Variants in CNTLN observed in about 807,000 individuals in gnomAD.
The protein encoded by CNTLN is centlein.
A neutral mutation model predicts 180.0 loss-of-function variants in CNTLN; 212 were observed. The observed-to-expected ratio is 1.18, with a 90% CI of 1.05 to 1.32. The LOEUF is 1.32. CNTLN is among the 40% of genes most tolerant of loss of function. The pLI, the probability that CNTLN is intolerant of heterozygous loss-of-function variation, is 0.00. For missense variants in CNTLN, 2,095 were observed against 1,610.9 expected (o/e 1.30, Z -5.14); for synonymous variants, 722 against 563.1 (o/e 1.28, Z -3.99).
chr9:17,340,622 G>A (rs16935529), intron 10 of CNTLN, among the ~76,000 whole-genome samples: 1,738 of 152,208 alleles, frequency 0.011, 35 homozygotes, highest in African/African-American at 0.04. Flanking sequence ...CTTAAAAAAT[G>A]CATTGACTGA....
chr9:17,315,757 A>G (rs1022205766), intron 8 of CNTLN, among the ~76,000 whole-genome samples: 2 of 152,004 alleles, frequency 1.3e-5, no homozygotes, highest in African/African-American at 4.8e-5. Flanking sequence ...TGTTTTACCC[A>G]TCTATATTGA....
chr9:17,495,768 G>T (rs1833419962), intron 25 of CNTLN, among the ~76,000 whole-genome samples: 1 of 152,066 alleles, frequency 6.6e-6, no homozygotes. Flanking sequence ...GCAACTTCCA[G>T]TCCCACAGGC....
chr9:17,212,327 C>A (rs558171720), intron 2 of CNTLN, among the ~76,000 whole-genome samples: 1 of 152,246 alleles, frequency 6.6e-6, no homozygotes, highest in South Asian at 2.1e-4. Context: ...TGGTTTTTGT[C>A]TTTGGTTCTG....
intron 2 of CNTLN, among the ~76,000 whole-genome samples, chr9:17,180,433 A>G (rs1380621565): frequency 6.7e-6 from 1 of 150,328 alleles, no homozygotes; most frequent in African/African-American, 2.4e-5. Context: ...TTTAAGTGAC[A>G]TTTATAATAG....
chr9:17,346,255 G>T (rs2133247882), intron 12 of CNTLN, among the ~76,000 whole-genome samples: 1 of 152,106 alleles, frequency 6.6e-6, no homozygotes, highest in East Asian at 1.9e-4. Flanking sequence ...ACCAGCATGA[G>T]ATCTCACTAG....
chr9:17,354,184 C>G (rs921822012), intron 12 of CNTLN, among the ~76,000 whole-genome samples: 4 of 152,188 alleles, frequency 2.6e-5, no homozygotes, highest in African/African-American at 9.6e-5. Flanking sequence ...GGGCAGGGCT[C>G]GGGACCTGCA....
At chr9:17,213,267 A>G (rs939660762) in intron 2 of CNTLN, among the ~76,000 whole-genome samples, 5 of 152,080 alleles carry the variant, frequency 3.3e-5, no homozygotes, top group African/African-American at 7.2e-5. Context: ...GTTTGTTCTC[A>G]TTGGTTTCAA....
chr9:17,356,012 C>T (rs1219898788), intron 12 of CNTLN, among the ~76,000 whole-genome samples: 1 of 145,332 alleles, frequency 6.9e-6, no homozygotes, highest in African/African-American at 2.6e-5. Context: ...TGCAGTGAGC[C>T]GAGATCACGC....
rs201905268 is a variant in CNTLN, at chr9:17,452,887, CA to C, written c.3115-4633del. ...TACAGTTGCAGCTGAGAGCAGCAAA[CA>C]AAAGCTTCTGGTCAGAGGCTTTTTG... On this transcript the variant is annotated intron_variant, in intron 18 of 25. Coordinates refer to ENST00000380647, the MANE Select transcript of CNTLN (RefSeq NM_017738.4). Among the ~76,000 whole-genome samples, 82 of 152,144 alleles carry C rather than the reference CA, an allele frequency of 5.4e-4. 1 individual carries two copies. The East Asian group carries it at 0.014, about 27-fold the overall frequency.
At position 17,298,968 on chromosome 9, in the gene CNTLN, G is replaced by T. The variant is rs554596816; in HGVS notation, c.1146+616G>T. The T allele has an allele frequency of 1.1e-3, 1,110 of 983,804 alleles. 1 individual carries two copies. The highest frequency in any genetic ancestry group is 8.4e-3 in the Middle Eastern group (16 of 1,904). 60.9% of individuals were successfully genotyped at this position (983,804 alleles called of 1,614,324 possible). On this transcript the variant is annotated intron_variant, in intron 7 of 25. Transcript: ENST00000380647. ...TAAAAAAAATACCTTTATTGGCCGGGCATGGTGGCTCATGCCTGTAATCCC... is the reference window on the plus strand; with the variant it reads ...TAAAAAAAATACCTTTATTGGCCGGTCATGGTGGCTCATGCCTGTAATCCC...
chr9:17,276,267 A>G (rs567699778), intron 6 of CNTLN, among the ~76,000 whole-genome samples: 4 of 152,030 alleles, frequency 2.6e-5, no homozygotes, highest in Non-Finnish European at 5.9e-5. Context: ...TGTGTCTCCT[A>G]AGTTATCTTG....
At chr9:17,481,263 A>G (rs967561210) in intron 23 of CNTLN, among the ~76,000 whole-genome samples, 8 of 152,092 alleles carry the variant, frequency 5.3e-5, no homozygotes, top group African/African-American at 1.9e-4. Context: ...ACCCTGCCAG[A>G]CCCCAGAATA....
chr9:17,429,498 T>A (rs1829286357), intron 18 of CNTLN, among the ~76,000 whole-genome samples: 1 of 152,098 alleles, frequency 6.6e-6, no homozygotes, highest in East Asian at 1.9e-4. Context: ...GTATTTATAT[T>A]TCATATCAAA....
At chr9:17,367,987 G>C (rs945881530) in intron 13 of CNTLN, among the ~76,000 whole-genome samples, 1 of 152,126 alleles carries the variant, frequency 6.6e-6, no homozygotes, top group Non-Finnish European at 1.5e-5. Context: ...AGGGTAATTT[G>C]TCTTGCACCT....
At position 17,235,727 on chromosome 9, in the gene CNTLN, G is replaced by T. The variant is rs202134714; in HGVS notation, c.604G>T (p.Ala202Ser). 6.2e-7 allele frequency: 1 copy of T among 1,603,854 alleles called. No homozygotes were observed. The highest frequency in any genetic ancestry group is 8.5e-7 in the Non-Finnish European group (1 of 1,173,838). The change falls in exon 4 of 26, where the codon GCT (alanine) becomes TCT (serine). Residue 202 changes from alanine to serine, a missense_variant. Physicochemically the swap from Ala to Ser is moderately conservative, Grantham distance 99. Transcript: ENST00000380647. ...GAAAATTGCAGTAGATGAAGAAAAT[G>T]CTTTCTTAAGGAAAGAATTCAGTGA... ...KRKIAVDEEN[A>S]FLRKEFSDLE...
intron 2 of CNTLN, among the ~76,000 whole-genome samples, chr9:17,197,043 T>A (rs1178167009): frequency 6.6e-6 from 1 of 152,184 alleles, no homozygotes; most frequent in Non-Finnish European, 1.5e-5. Context: ...TCTGTCTCCA[T>A]GAGTTCAATT....
intron 2 of CNTLN, among the ~76,000 whole-genome samples, chr9:17,212,736 G>A (rs551240678): frequency 6.6e-6 from 1 of 152,294 alleles, no homozygotes; most frequent in South Asian, 2.1e-4. Context: ...TTCAGAGGCT[G>A]TGTTTGGTCT....
At chr9:17,331,841 A>G (rs761920306) in intron 9 of CNTLN, among the ~76,000 whole-genome samples, 1 of 152,042 alleles carries the variant, frequency 6.6e-6, no homozygotes, top group Non-Finnish European at 1.5e-5. Flanking sequence ...GAAATACAGC[A>G]TTACCGGGCC....
intron 2 of CNTLN, among the ~76,000 whole-genome samples, chr9:17,197,395 G>A (rs1201830844): frequency 1.3e-5 from 2 of 152,006 alleles, no homozygotes; most frequent in Non-Finnish European, 2.9e-5. Context: ...CAATGATGTT[G>A]AGCATCTTTT....
Sources: gnomAD v4.1 joint callset for allele counts (sites outside exome capture counted in the v4.1 genomes callset) on GRCh38, gnomAD v4.1.1 for gene constraint, MANE v1.5 for transcripts, NCBI Gene and HGNC (gene_info 2026-07-23, HGNC 2026-07-21) for gene names.